The following HIPK2 variants were observed in gnomAD, a reference collection of about 807,000 sequenced individuals.
HIPK2 encodes the protein homeodomain interacting protein kinase 2.
HIPK2 carries 27 observed loss-of-function variants against 113.7 expected under a neutral mutation model. That is an observed-to-expected ratio of 0.24 (90% CI 0.17 to 0.33). The LOEUF (loss-of-function observed/expected upper bound fraction) is 0.33. HIPK2 is among the 10% of genes least tolerant of loss of function. The pLI, the probability that HIPK2 is intolerant of heterozygous loss-of-function variation, is 1.00. For missense variants in HIPK2, 1,257 were observed against 1,588.0 expected, an observed-to-expected ratio of 0.79 and a Z score of 3.54; for synonymous variants, 631 against 642.2, an observed-to-expected ratio of 0.98 and a Z score of 0.26.
chr7:139,596,127 T>C (rs1799204622), intron 12 of HIPK2, among the ~76,000 whole-genome samples: 1 of 152,242 alleles, frequency 6.6e-6, no homozygotes, highest in South Asian at 2.1e-4. Context: ...AAAGAGGCTC[T>C]GGCGCCAGGG....
chr7:139,748,489 G>C (rs927038541), intron 1 of HIPK2, among the ~76,000 whole-genome samples: 3 of 151,884 alleles, frequency 2.0e-5, no homozygotes, highest in African/African-American at 7.3e-5. Flanking sequence ...GGGACGGTGT[G>C]TTCCATGCCT....
chr7:139,717,042 A>G (rs373225163), intron 1 of HIPK2, 27 bp from the exon 2 acceptor site: 2 of 1,587,878 alleles, frequency 1.3e-6, no homozygotes, highest in Admixed American at 1.7e-5. Context: ...ACGAAAAGTA[A>G]GTATCGGAGT....
intron 1 of HIPK2, among the ~76,000 whole-genome samples, chr7:139,727,330 C>T (rs1460412847): frequency 6.6e-6 from 1 of 152,014 alleles, no homozygotes; most frequent in Non-Finnish European, 1.5e-5. Flanking sequence ...AGCCAATAGC[C>T]CTCTTTTCCC....
At chr7:139,730,024 T>G (rs1390795895) in intron 1 of HIPK2, among the ~76,000 whole-genome samples, 2 of 152,212 alleles carry the variant, frequency 1.3e-5, no homozygotes, top group Non-Finnish European at 2.9e-5. Flanking sequence ...GCCAGGTGTG[T>G]GCCTGGCAAC....
At chr7:139,637,157 C>T (rs759849236) in intron 2 of HIPK2, among the ~76,000 whole-genome samples, 2 of 152,238 alleles carry the variant, frequency 1.3e-5, no homozygotes, top group African/African-American at 4.8e-5. Context: ...GTCACCCCTG[C>T]GTCACCTGGA....
rs1796822717 is a variant in HIPK2 at position 139,777,982 on chromosome 7, G to A, written c.-359C>T. ...GGGGCAGCGCGCGGCCAGGGCCGGC[G>A]GGGCTCAGCTCAGCATGGCTGGGCG... On this transcript the variant is annotated 5_prime_UTR_variant, in exon 1 of 15. Coordinates refer to ENST00000406875, the MANE Select transcript of HIPK2 (RefSeq NM_022740.5). Among the ~76,000 whole-genome samples, 1 of 145,864 alleles carries A rather than the reference G, an allele frequency of 6.9e-6. No homozygotes were observed. The highest frequency in any genetic ancestry group is 1.5e-5 in the Non-Finnish European group (1 of 65,388).
Position 139,620,533 on chromosome 7 carries a change from G to C in HIPK2, c.1650C>G (p.Ile550Met). Residue 550 changes from isoleucine to methionine, a missense_variant, in exon 7 of 15, where the codon ATC (isoleucine) becomes ATG (methionine). Physicochemically the swap from Ile to Met is conservative, Grantham distance 10. Transcript: ENST00000406875. Reference protein sequence around the residue: ...HVKSCFQNMEICKRRVNMYDT... With the variant: ...HVKSCFQNMEMCKRRVNMYDT... ...CATACATATTCACCCGACGCTTGCA[G>C]ATCTCCATGTTCTGGAAACATGATT... is the stretch of plus-strand genomic sequence containing the variant. 6.2e-7 allele frequency: 1 copy of C among 1,614,188 alleles called. No individual in the cohort carries two copies. The highest frequency in any genetic ancestry group is 8.5e-7 in the Non-Finnish European group (1 of 1,180,028).
At chr7:139,772,943 T>TG (rs566014682) in intron 1 of HIPK2, among the ~76,000 whole-genome samples, 1 of 142,842 alleles carries the variant, frequency 7.0e-6, no homozygotes, top group East Asian at 2.0e-4. Context: ...GAACTGCCAC[T>TG]AAAAAAAAAA....
chr7:139,680,179 C>T (rs1266204234), intron 2 of HIPK2, among the ~76,000 whole-genome samples: 2 of 152,194 alleles, frequency 1.3e-5, no homozygotes, highest in Non-Finnish European at 2.9e-5. Context: ...CTCAGGGACA[C>T]AGGTACCCGG....
chr7:139,735,328 T>C (rs1391102519), intron 1 of HIPK2, among the ~76,000 whole-genome samples: 2 of 152,254 alleles, frequency 1.3e-5, no homozygotes, highest in African/African-American at 2.4e-5. Context: ...TAGGCCTAGC[T>C]TCTCTGGATG....
At chr7:139,686,617 TGAA>T (rs1794229899) in intron 2 of HIPK2, among the ~76,000 whole-genome samples, 1 of 152,226 alleles carries the variant, frequency 6.6e-6, no homozygotes, top group African/African-American at 2.4e-5. Flanking sequence ...TGCTGCCATG[TGAA>T]GAAGGATGTG....
chr7:139,674,098 G>T (rs932095007), intron 2 of HIPK2, among the ~76,000 whole-genome samples: 3 of 151,536 alleles, frequency 2.0e-5, no homozygotes, highest in Admixed American at 2.0e-4. Context: ...CTGACTTTTG[G>T]CTGGAGATTT....
In HIPK2 at chr7:139,652,728, C is replaced by A. The variant is rs577591858; in HGVS notation, c.1104-21003G>T. 2.8e-4 allele frequency among the ~76,000 whole-genome samples: 43 copies of A among 152,248 alleles called. 1 individual carries two copies. Among genetic ancestry groups the A allele is most frequent in the African/African-American group, 1.0e-3 (43 of 41,556 alleles). On this transcript the variant is annotated intron_variant, in intron 2 of 14. Coordinates refer to ENST00000406875, the MANE Select transcript of HIPK2 (RefSeq NM_022740.5). ...AGGCTGGGAAGAACAGGAGAGAATT[C>A]AAGGAGGCAGAATTTAAATAGAATC...
intron 2 of HIPK2, among the ~76,000 whole-genome samples, chr7:139,715,384 G>A (rs771941424): frequency 2.6e-5 from 4 of 152,164 alleles, no homozygotes; most frequent in East Asian, 1.9e-4. Context: ...GAACCTTCTC[G>A]GAACATCCCT....
intron 2 of HIPK2, among the ~76,000 whole-genome samples, chr7:139,701,558 T>C (rs1463132619): frequency 6.6e-6 from 1 of 152,162 alleles, no homozygotes; most frequent in Non-Finnish European, 1.5e-5. Flanking sequence ...TCTCTCTGTC[T>C]CATTACCCTA....
At chr7:139,624,194 T>C (rs1272306680) in intron 6 of HIPK2, among the ~76,000 whole-genome samples, 2 of 152,126 alleles carry the variant, frequency 1.3e-5, no homozygotes, top group Non-Finnish European at 2.9e-5. Context: ...TGGCTAATTT[T>C]TGTATTTTTA....
chr7:139,602,703 C>G (rs1435642829), intron 10 of HIPK2, among the ~76,000 whole-genome samples: 1 of 151,888 alleles, frequency 6.6e-6, no homozygotes, highest in African/African-American at 2.4e-5. Flanking sequence ...GGCAATCTTG[C>G]TGAGCATGGG....
chr7:139,711,609 A>C (rs1795070971), intron 2 of HIPK2, among the ~76,000 whole-genome samples: 2 of 152,230 alleles, frequency 1.3e-5, no homozygotes, highest in South Asian at 4.1e-4. Flanking sequence ...TTAATCACTG[A>C]TTACCCTTTG....
chr7:139,610,531 G>T (rs1310848410), intron 9 of HIPK2, among the ~76,000 whole-genome samples: 1 of 152,220 alleles, frequency 6.6e-6, no homozygotes, highest in African/African-American at 2.4e-5. Context: ...GAGAAGGCCT[G>T]TTTTAAATAC....
Sources: gnomAD v4.1 joint callset for allele counts (sites outside exome capture counted in the v4.1 genomes callset) on GRCh38, gnomAD v4.1.1 for gene constraint, MANE v1.5 for transcripts, NCBI Gene and HGNC (gene_info 2026-07-23, HGNC 2026-07-21) for gene names.